Variants in PPARGC1B observed in about 807,000 individuals in gnomAD.
PPARGC1B encodes the protein peroxisome proliferator-activated receptor gamma coactivator 1-beta.
A neutral mutation model predicts 101.6 loss-of-function variants in PPARGC1B; 34 were observed. The observed-to-expected ratio is 0.33, with a 90% CI of 0.25 to 0.45. The LOEUF (loss-of-function observed/expected upper bound fraction) is 0.45. Among genes scored for constraint, PPARGC1B ranks in the 20% least tolerant of loss-of-function variants. The pLI is 1.00. For synonymous variants in PPARGC1B, 548 were observed against 539.3 expected (o/e 1.02, Z -0.22); for missense variants, 1,234 against 1,317.6 (o/e 0.94, Z 0.98).
intron 1 of PPARGC1B, among the ~76,000 whole-genome samples, chr5:149,784,607 G>C (rs1206690369): frequency 8.1e-6 from 1 of 122,992 alleles, no homozygotes; most frequent in Non-Finnish European, 1.6e-5. Flanking sequence ...TCGCTCTGTC[G>C]CCCAGGCTGG....
chr5:149,757,413 T>A (rs1490464878), intron 1 of PPARGC1B, among the ~76,000 whole-genome samples: 1 of 152,004 alleles, frequency 6.6e-6, no homozygotes, highest in East Asian at 1.9e-4. Flanking sequence ...CCTGAGGGGA[T>A]GGCCAAGTCA....
At chr5:149,813,796 G>A (rs566365785) in intron 1 of PPARGC1B, among the ~76,000 whole-genome samples, 1 of 152,312 alleles carries the variant, frequency 6.6e-6, no homozygotes, top group African/African-American at 2.4e-5. Flanking sequence ...AGTTCTGGAG[G>A]CTGGGAAGCC....
chr5:149,823,427 C>A (rs1028846019), intron 2 of PPARGC1B, among the ~76,000 whole-genome samples: 2 of 152,096 alleles, frequency 1.3e-5, no homozygotes, highest in African/African-American at 4.8e-5. Context: ...CATTCTGTTC[C>A]GTGATGTTTC....
chr5:149,809,114 CTTAG>C (rs201303368), intron 1 of PPARGC1B, among the ~76,000 whole-genome samples: 23 of 125,796 alleles, frequency 1.8e-4, no homozygotes, highest in African/African-American at 7.1e-4. Flanking sequence ...CTATCTCCAC[CTTAG>C]ATAGATAGAT....
In PPARGC1B at chr5:149,781,884, C is replaced by T. The variant is rs144952977; in HGVS notation, c.79-38549C>T. Among the ~76,000 whole-genome samples the T allele has an allele frequency of 7.6e-4, 116 of 152,232 alleles. 2 individuals carry two copies. The highest frequency in any genetic ancestry group is 2.6e-3 in the African/African-American group (109 of 41,530). On this transcript the variant is annotated intron_variant, in intron 1 of 11. Transcript: ENST00000309241. ...TACTAATAACCCTGACAGGACTTGG[C>T]CTGTGAGGTAAACTCTATTTGCCAT...
At chr5:149,755,052 C>CATATACATAT (rs1360005539) in intron 1 of PPARGC1B, among the ~76,000 whole-genome samples, 1,109 of 108,884 alleles carry the variant, frequency 0.01, 29 homozygotes, top group African/African-American at 0.039. Context: ...TATACATATA[C>CATATACATAT]ATATATATAT....
At chr5:149,788,856 C>T (rs1329033399) in intron 1 of PPARGC1B, among the ~76,000 whole-genome samples, 3 of 152,076 alleles carry the variant, frequency 2.0e-5, no homozygotes, top group Non-Finnish European at 2.9e-5. Context: ...TGTTCTCACT[C>T]ATAGGTGGGA....
intron 1 of PPARGC1B, among the ~76,000 whole-genome samples, chr5:149,770,924 T>C (rs1048280491): frequency 6.6e-6 from 1 of 152,152 alleles, no homozygotes; most frequent in African/African-American, 2.4e-5. Context: ...GAAGCCATCA[T>C]AGGACTTGAT....
Position 149,824,601 on chromosome 5 carries a change from C to T in PPARGC1B, c.253-2072C>T, listed in dbSNP as rs145261791. Among the ~76,000 whole-genome samples, 238 of 152,268 alleles carry T rather than the reference C, an allele frequency of 1.6e-3. 1 individual carries two copies. The highest frequency in any genetic ancestry group is 5.6e-3 in the African/African-American group (232 of 41,536). On this transcript the variant is annotated intron_variant, in intron 2 of 11. Transcript: ENST00000309241. ...AAGATCACCCTTTTGATGGCAGAAC[C>T]CCAAGAGTGGTCGCTGAGGCCCAAG...
In PPARGC1B at chr5:149,820,536, T is replaced by C. The variant is rs1251771018; in HGVS notation, c.182T>C (p.Leu61Pro). Residue 61 changes from leucine to proline, a missense_variant, in exon 2 of 12, where the codon CTG (leucine) becomes CCG (proline). Coordinates refer to ENST00000309241, the MANE Select transcript of PPARGC1B (RefSeq NM_133263.4). ...DFDSATCFGELQWCPENSETE... is the reference protein window; with the variant it reads ...DFDSATCFGEPQWCPENSETE... ...GACTCGGCCACCTGCTTTGGGGAGC[T>C]GCAGTGGTGCCCAGAGAACTCAGAG... 6.2e-6 allele frequency: 10 copies of C among 1,613,940 alleles called. No individual in the cohort carries two copies. In the East Asian group the frequency reaches 6.7e-5, roughly 11 times the overall value.
chr5:149,772,279 GGGTACGGTAGTGTGC>G, intron 1 of PPARGC1B: 1 of 1,506,510 alleles, frequency 6.6e-7, no homozygotes, highest in Non-Finnish European at 8.9e-7. Flanking sequence ...TGGTGGGTTA[GGGTACGGTAGTGTGC>G]GTGATGTGCT....
intron 1 of PPARGC1B, among the ~76,000 whole-genome samples, chr5:149,734,509 C>G (rs1002985922): frequency 6.6e-6 from 1 of 151,170 alleles, no homozygotes; most frequent in Non-Finnish European, 1.5e-5. Context: ...AAGATTGAAC[C>G]GAGATGTATT....
At chr5:149,757,505 A>C (rs1291133177) in intron 1 of PPARGC1B, among the ~76,000 whole-genome samples, 1 of 152,192 alleles carries the variant, frequency 6.6e-6, no homozygotes, top group Non-Finnish European at 1.5e-5. Flanking sequence ...AAAATCTACA[A>C]GGCCTCGATA....
chr5:149,742,041 T>A lies in PPARGC1B; in HGVS notation c.78+11621T>A, dbSNP rs572374662. On this transcript the variant is annotated intron_variant, in intron 1 of 11. Transcript: ENST00000309241. ...ATGATGATGATGATGGTGGTGGTGG[T>A]GATAACAGTCAACAACTGCTATATC... is the stretch of plus-strand genomic sequence containing the variant. Among the ~76,000 whole-genome samples the A allele has an allele frequency of 2.0e-5, 3 of 152,288 alleles. No individual in the cohort carries two copies. In the South Asian group the frequency reaches 6.2e-4, roughly 32 times the overall value.
intron 1 of PPARGC1B, among the ~76,000 whole-genome samples, chr5:149,738,154 C>T (rs1754792665): frequency 6.6e-6 from 1 of 152,138 alleles, no homozygotes; most frequent in Non-Finnish European, 1.5e-5. Context: ...ACGTTAAGCT[C>T]CACAAAGGCA....
intron 1 of PPARGC1B, among the ~76,000 whole-genome samples, chr5:149,767,325 G>A (rs1033072136): frequency 2.0e-5 from 3 of 152,186 alleles, no homozygotes; most frequent in Admixed American, 2.0e-4. Context: ...TCTGGGAGAG[G>A]CAGACTAGAA....
intron 1 of PPARGC1B, among the ~76,000 whole-genome samples, chr5:149,765,874 A>G (rs1041701184): frequency 1.3e-5 from 2 of 152,042 alleles, no homozygotes; most frequent in Admixed American, 1.3e-4. Flanking sequence ...AAAAAAAAAA[A>G]AAAAAAAATG....
intron 1 of PPARGC1B, among the ~76,000 whole-genome samples, chr5:149,797,882 T>C (rs1387717882): frequency 6.6e-6 from 1 of 152,200 alleles, no homozygotes; most frequent in Non-Finnish European, 1.5e-5. Context: ...GATTGCACCA[T>C]TGCACCCAGC....
chr5:149,827,017 G>T (rs1025959179), intron 3 of PPARGC1B, 132 bp downstream of exon 3: 33 of 742,832 alleles, frequency 4.4e-5, no homozygotes, highest in Admixed American at 3.9e-4. Flanking sequence ...ATTGATCACA[G>T]CAGAGAGCGT....
Sources: gnomAD v4.1 joint callset for allele counts (sites outside exome capture counted in the v4.1 genomes callset) on GRCh38, gnomAD v4.1.1 for gene constraint, MANE v1.5 for transcripts, NCBI Gene and HGNC (gene_info 2026-07-23, HGNC 2026-07-21) for gene names.